The following AFAP1L2 variants were observed in gnomAD, a reference collection of about 807,000 sequenced individuals.
The protein encoded by AFAP1L2 is actin filament associated protein 1 like 2.
A neutral mutation model predicts 99.3 loss-of-function variants in AFAP1L2; 46 were observed. The observed-to-expected ratio is 0.46, with a 90% CI of 0.37 to 0.59. The LOEUF (loss-of-function observed/expected upper bound fraction) is 0.59. AFAP1L2 is among the 20% of genes least tolerant of loss of function. The pLI, the probability that AFAP1L2 is intolerant of heterozygous loss-of-function variation, is 0.00. For missense variants in AFAP1L2, 959 were observed against 1,034.9 expected (o/e 0.93, Z 1.01); for synonymous variants, 397 against 419.1 (o/e 0.95, Z 0.64).
At chr10:114,374,437 G>A (rs567081505) in intron 1 of AFAP1L2, among the ~76,000 whole-genome samples, 5 of 152,266 alleles carry the variant, frequency 3.3e-5, no homozygotes, top group South Asian at 4.1e-4. Flanking sequence ...CCGCAGATGC[G>A]ATCCTGCCCT....
chr10:114,331,193 C>T (rs1317475922), intron 4 of AFAP1L2, among the ~76,000 whole-genome samples: 9 of 152,046 alleles, frequency 5.9e-5, no homozygotes, highest in Non-Finnish European at 1.0e-4. Flanking sequence ...TGGTAAGGTT[C>T]AAGCAGGTAG....
Position 114,352,301 on chromosome 10 carries a change from C to T in AFAP1L2, c.17-11570G>A, listed in dbSNP as rs1463181433. Among the ~76,000 whole-genome samples the T allele has an allele frequency of 5.3e-5, 8 of 151,674 alleles. No individual in the cohort carries two copies. In the East Asian group the frequency reaches 1.6e-3, roughly 29 times the overall value. ...CAGCCTGGCCAATATGGTGAAACCC[C>T]GTCTCTACTAAAAATACAAAAAATT... is the stretch of plus-strand genomic sequence containing the variant. On this transcript the variant is annotated intron_variant, in intron 1 of 18. Transcript: ENST00000304129.
At chr10:114,405,121 G>A (rs1354187910), upstream of AFAP1L2, among the ~76,000 whole-genome samples, 1 of 152,184 alleles carries the variant, frequency 6.6e-6, no homozygotes, top group African/African-American at 2.4e-5. Flanking sequence ...CAGGGTGTGT[G>A]AAAACATCTG....
At chr10:114,334,049 G>T (rs2047587709) in intron 2 of AFAP1L2, among the ~76,000 whole-genome samples, 1 of 152,178 alleles carries the variant, frequency 6.6e-6, no homozygotes, top group Non-Finnish European at 1.5e-5. Context: ...CCATTGGATG[G>T]GTGAACGGGG....
rs2040028899 is a variant in AFAP1L2, at chr10:114,295,290, C to G, written c.*752G>C. The G allele has an allele frequency of 1.4e-5, 14 of 984,854 alleles. No individual in the cohort carries two copies. The highest frequency in any genetic ancestry group is 1.7e-5 in the Non-Finnish European group (14 of 828,990). 61.0% of individuals were successfully genotyped at this position (984,854 alleles called of 1,614,324 possible). On this transcript the variant is annotated 3_prime_UTR_variant, in exon 19 of 19. Transcript: ENST00000304129. Reference sequence around the variant, plus strand: ...CTTTAATCTCAAAAGATACTTTTCACTGTTCTAAATGACAGGATTTTAAGC... The same window carrying G: ...CTTTAATCTCAAAAGATACTTTTCAGTGTTCTAAATGACAGGATTTTAAGC...
At chr10:114,289,560 C>A in the AFAP1L2 span, 1 of 1,552,686 alleles carries the variant, frequency 6.4e-7, no homozygotes. Context: ...TCACATACAT[C>A]ATGACGAGGA....
At chr10:114,285,811 T>A in the AFAP1L2 span, 1 of 1,060,666 alleles carries the variant, frequency 9.4e-7, no homozygotes, top group East Asian at 2.6e-5. Flanking sequence ...CACGGGTCAC[T>A]TAAGCTTGGG....
intron 3 of AFAP1L2, 60 bp downstream of exon 3, chr10:114,333,161 G>C (rs2047467872): frequency 2.0e-6 from 3 of 1,471,774 alleles, no homozygotes; most frequent in African/African-American, 2.8e-5. Flanking sequence ...GAACCAGCTT[G>C]GACCTTCCCC....
At chr10:114,378,717 T>C (rs2055143556) in intron 1 of AFAP1L2, among the ~76,000 whole-genome samples, 2 of 152,152 alleles carry the variant, frequency 1.3e-5, no homozygotes, top group Non-Finnish European at 2.9e-5. Context: ...GGAGAAGCAA[T>C]GGCCCCCCAT....
At chr10:114,372,217 C>T (rs1164152044) in intron 1 of AFAP1L2, among the ~76,000 whole-genome samples, 9 of 152,212 alleles carry the variant, frequency 5.9e-5, no homozygotes, top group Non-Finnish European at 1.3e-4. Flanking sequence ...CACTGCTGGT[C>T]CAGTCCCTTG....
chr10:114,338,786 G>GAAAA (rs2048352127), intron 2 of AFAP1L2, among the ~76,000 whole-genome samples: 1 of 152,208 alleles, frequency 6.6e-6, no homozygotes, highest in African/African-American at 2.4e-5. Flanking sequence ...CTGGAGGATG[G>GAAAA]AAATGTTCTA....
chr10:114,294,540 T>TTTCCCAAGAATTCTTTA (rs1256984818), downstream of AFAP1L2, among the ~76,000 whole-genome samples: 2 of 152,226 alleles, frequency 1.3e-5, no homozygotes, highest in African/African-American at 4.8e-5. Context: ...ATGTTTCTTT[T>TTTCCCAAGAATTCTTTA]TTCCCAAGAA....
chr10:114,322,903 A>G (rs2045601724), intron 5 of AFAP1L2, among the ~76,000 whole-genome samples: 2 of 152,244 alleles, frequency 1.3e-5, no homozygotes, highest in Admixed American at 1.3e-4. Context: ...CATCAGATGC[A>G]GTCAATCTAT....
chr10:114,321,010 A>G (rs1016219280), intron 5 of AFAP1L2, among the ~76,000 whole-genome samples: 8 of 152,304 alleles, frequency 5.3e-5, no homozygotes, highest in African/African-American at 1.9e-4. Context: ...CAGCCTAAAC[A>G]GGCGCTCACT....
intron 10 of AFAP1L2, 82 bp downstream of exon 10, chr10:114,307,723 C>G: frequency 1.7e-6 from 2 of 1,182,444 alleles, no homozygotes; most frequent in Non-Finnish European, 2.5e-6. Context: ...AAACCCCCTG[C>G]CTTCGCTGTC....
Position 114,295,618 on chromosome 10 carries a change from T to C in AFAP1L2, c.*424A>G. ...CAACTGCTAAGTATTGGATAAGAGA[T>C]GATGGCCAGGAGTTTAGGTCTTCTC... On this transcript the variant is annotated 3_prime_UTR_variant, in exon 19 of 19. Coordinates refer to ENST00000304129, the MANE Select transcript of AFAP1L2 (RefSeq NM_001001936.3). 1.0e-6 allele frequency: 1 copy of C among 997,510 alleles called. No individual in the cohort carries two copies. The highest frequency in any genetic ancestry group is 1.2e-6 in the Non-Finnish European group (1 of 837,700). 61.8% of individuals were successfully genotyped at this position (997,510 alleles called of 1,614,324 possible). A position where few individuals can be genotyped will look rare whatever the true frequency, so the allele number is the denominator to read the frequency against.
At chr10:114,289,464 C>T in the AFAP1L2 span, 115 of 1,614,092 alleles carry the variant, frequency 7.1e-5, no homozygotes, top group East Asian at 1.7e-3. Context: ...ACCACCAGGA[C>T]GTGCTCATTG....
At chr10:114,313,750 GAAGCCCTGC>G (rs2043639856) in intron 7 of AFAP1L2, 112 bp downstream of exon 7, 1 of 1,038,370 alleles carries the variant, frequency 9.6e-7, no homozygotes, top group African/African-American at 1.6e-5. Flanking sequence ...TAGAACACAG[GAAGCCCTGC>G]AAACTTGAAG....
the AFAP1L2 span, among the ~76,000 whole-genome samples, chr10:114,283,036 A>G: frequency 6.6e-6 from 1 of 152,196 alleles, no homozygotes; most frequent in Non-Finnish European, 1.5e-5. Context: ...CCTCAGCTGT[A>G]AAATCCCAAA....
Sources: gnomAD v4.1 joint callset for allele counts (sites outside exome capture counted in the v4.1 genomes callset) on GRCh38, gnomAD v4.1.1 for gene constraint, MANE v1.5 for transcripts, NCBI Gene and HGNC (gene_info 2026-07-23, HGNC 2026-07-21) for gene names.